The following RIMKLA variants were observed in gnomAD, a reference collection of about 807,000 sequenced individuals.
RIMKLA encodes the protein N-acetylaspartylglutamate synthase A.
In RIMKLA, 14 loss-of-function variants were observed where a neutral mutation model predicts 32.7. The observed-to-expected ratio is 0.43, with a 90% CI of 0.28 to 0.67. The LOEUF (loss-of-function observed/expected upper bound fraction) is 0.67. Ranked by LOEUF, RIMKLA falls within the 30% of genes least tolerant of loss-of-function variation. RIMKLA has a pLI of 0.18. For missense variants in RIMKLA, 410 were observed against 519.0 expected (o/e 0.79, Z 2.04); for synonymous variants, 176 against 204.1 (o/e 0.86, Z 1.18).
chr1:42,397,032 A>G (rs1643054124), intron 1 of RIMKLA, among the ~76,000 whole-genome samples: 1 of 152,230 alleles, frequency 6.6e-6, no homozygotes, highest in Admixed American at 6.5e-5. Context: ...TGTAAGTGAT[A>G]CTGTTTTCTG....
In RIMKLA at chr1:42,418,854, CA is replaced by C. The variant is rs2148399017; in HGVS notation, c.*3881del. 6.6e-6 allele frequency: 1 copy of C among 152,348 alleles called. No homozygotes were observed. The highest frequency in any genetic ancestry group is 1.9e-4 in the East Asian group (1 of 5,186). The allele number at this position is 152,348 out of a possible 1,614,324, so 9.4% of individuals were successfully genotyped here. ...GTGCTGTGTGCAGGCATAGCCTTAG[CA>C]GGTCAGTTTAAGGAGTCAGGTCAGA... On this transcript the variant is annotated 3_prime_UTR_variant, in exon 5 of 5. Transcript: ENST00000431473.
chr1:42,386,741 C>T (rs1570314887), intron 1 of RIMKLA, among the ~76,000 whole-genome samples: 2 of 151,414 alleles, frequency 1.3e-5, no homozygotes, highest in East Asian at 3.9e-4. Context: ...AAAAATTACC[C>T]AGGCTTGGTG....
chr1:42,394,335 CAT>C (rs975375620), intron 1 of RIMKLA, among the ~76,000 whole-genome samples: 3 of 152,192 alleles, frequency 2.0e-5, no homozygotes, highest in Non-Finnish European at 4.4e-5. Flanking sequence ...CAAGGATGCA[CAT>C]GTGTGCACAC....
intron 3 of RIMKLA, among the ~76,000 whole-genome samples, chr1:42,407,639 G>T (rs892601086): frequency 6.6e-6 from 1 of 152,134 alleles, no homozygotes; most frequent in Admixed American, 6.5e-5. Flanking sequence ...CACCATGTGC[G>T]TGAAGGTTGA....
intron 1 of RIMKLA, among the ~76,000 whole-genome samples, chr1:42,389,261 A>C (rs1263751688): frequency 1.3e-5 from 2 of 152,206 alleles, no homozygotes; most frequent in Non-Finnish European, 2.9e-5. Flanking sequence ...CCATTTATGG[A>C]AAGATTGGGA....
chr1:42,403,762 A>G (rs1181238888), intron 2 of RIMKLA, among the ~76,000 whole-genome samples: 1 of 152,208 alleles, frequency 6.6e-6, no homozygotes, highest in African/African-American at 2.4e-5. Context: ...GTCTCACAGC[A>G]TAGCTGGGTT....
At chr1:42,386,151 G>A (rs1389283131) in intron 1 of RIMKLA, among the ~76,000 whole-genome samples, 1 of 151,790 alleles carries the variant, frequency 6.6e-6, no homozygotes, top group Non-Finnish European at 1.5e-5. Context: ...TCAAACTCCT[G>A]ACCTCAGGTG....
intron 1 of RIMKLA, among the ~76,000 whole-genome samples, chr1:42,392,075 A>G (rs149979629): frequency 2.5e-4 from 38 of 152,296 alleles, no homozygotes; most frequent in African/African-American, 8.2e-4. Flanking sequence ...TATAAGATGC[A>G]ATGTCTTACT....
At chr1:42,402,428 A>G (rs1178096531) in intron 2 of RIMKLA, among the ~76,000 whole-genome samples, 1 of 152,142 alleles carries the variant, frequency 6.6e-6, no homozygotes, top group Non-Finnish European at 1.5e-5. Flanking sequence ...GTGACCGAGG[A>G]GGAAGATCAT....
Position 42,419,996 on chromosome 1 carries a change from A to G in RIMKLA, c.*5022A>G, listed in dbSNP as rs1036055718. The G allele has an allele frequency of 6.6e-6, 1 of 152,280 alleles. No individual in the cohort carries two copies. The highest frequency in any genetic ancestry group is 1.5e-5 in the Non-Finnish European group (1 of 68,086). 9.4% of individuals were successfully genotyped at this position (152,280 alleles called of 1,614,324 possible). The stretch of plus-strand genomic sequence containing the variant: ...CATGCTCCAGTTTCAATCAGCAACA[A>G]GGTCAAAAGTTTCCCCCCACTTTCT... On this transcript the variant is annotated 3_prime_UTR_variant, in exon 5 of 5. Coordinates refer to ENST00000431473, the MANE Select transcript of RIMKLA (RefSeq NM_173642.4).
Position 42,421,362 on chromosome 1 carries a change from A to T in RIMKLA, c.*6388A>T, listed in dbSNP as rs1643294037. ...GACGTGAATTAAACCTGTCAAATAG[A>T]GGGTGAGGGGAGTGCAGAAGGCTGG... On this transcript the variant is annotated 3_prime_UTR_variant, in exon 5 of 5. Coordinates refer to ENST00000431473, the MANE Select transcript of RIMKLA (RefSeq NM_173642.4). The surrounding 1 kb of genome is among the most constrained non-coding windows in gnomAD (Gnocchi z 4.6). The T allele has an allele frequency of 1.3e-5, 2 of 151,504 alleles. No homozygotes were observed. 9.4% of individuals were successfully genotyped at this position (151,504 alleles called of 1,614,324 possible). A position where few individuals can be genotyped will look rare whatever the true frequency, so the allele number is the denominator to read the frequency against.
intron 1 of RIMKLA, among the ~76,000 whole-genome samples, chr1:42,385,808 TTTC>T (rs1642934369): frequency 4.0e-5 from 3 of 75,892 alleles, no homozygotes; most frequent in African/African-American, 1.3e-4. Context: ...TCTCTCTCTC[TTTC>T]CTTCCTTCCT....
chr1:42,398,572 G>C (rs1643067038), intron 1 of RIMKLA, among the ~76,000 whole-genome samples: 1 of 152,094 alleles, frequency 6.6e-6, no homozygotes, highest in African/African-American at 2.4e-5. Context: ...TTCCCAATTT[G>C]TATCTGTTTA....
chr1:42,399,308 C>T, intron 1 of RIMKLA, 96 bp from the exon 2 acceptor site: 1 of 916,448 alleles, frequency 1.1e-6, no homozygotes. Flanking sequence ...GGCTCTGTTC[C>T]TACTAGGTTC....
rs1002894032 is a variant in RIMKLA, at chr1:42,420,501, C to A, written c.*5527C>A. 1 of 152,210 alleles carries A rather than the reference C, an allele frequency of 6.6e-6. No homozygotes were observed. Among genetic ancestry groups the A allele is most frequent in the South Asian group, 2.1e-4 (1 of 4,836 alleles). 9.4% of individuals were successfully genotyped at this position (152,210 alleles called of 1,614,324 possible). A position where few individuals can be genotyped will look rare whatever the true frequency, so the allele number is the denominator to read the frequency against. Reference sequence around the variant, plus strand: ...GGGACAGAGCAGTTCCATTTATATTCTCACATACAACCAGATGGATAGCCA... The same window carrying A: ...GGGACAGAGCAGTTCCATTTATATTATCACATACAACCAGATGGATAGCCA... On this transcript the variant is annotated 3_prime_UTR_variant, in exon 5 of 5. Transcript: ENST00000431473.
rs1331988548 is a variant in RIMKLA at position 42,410,063 on chromosome 1, G to A, written c.561G>A (p.Leu187=). The change falls in exon 4 of 5, where the codon CTG becomes CTA. Residue 187 remains leucine (L), a synonymous_variant. Transcript: ENST00000431473. ...TGATCCGCCACGATGTGCCCTACCTGTTCCAGAAGTACGTGAAGGAGTCCC... is the reference window on the plus strand; with the variant it reads ...TGATCCGCCACGATGTGCCCTACCTATTCCAGAAGTACGTGAAGGAGTCCC... ...CHLIRHDVPY[L]FQKYVKESHG... is the part of the protein sequence containing the mutation. The A allele has an allele frequency of 6.2e-7, 1 of 1,614,164 alleles. No homozygotes were observed. The highest frequency in any genetic ancestry group is 1.1e-5 in the South Asian group (1 of 91,078).
chr1:42,383,056 T>C (rs997380639), intron 1 of RIMKLA, among the ~76,000 whole-genome samples: 2 of 151,428 alleles, frequency 1.3e-5, no homozygotes, highest in African/African-American at 4.8e-5. Flanking sequence ...TTTATTTATT[T>C]ATTTATTTTA....
chr1:42,410,828 G>GAA (rs34862879), intron 4 of RIMKLA, among the ~76,000 whole-genome samples: 12 of 150,224 alleles, frequency 8.0e-5, no homozygotes, highest in South Asian at 4.2e-4. Context: ...TTGGTGATAG[G>GAA]AAAAAAAAAA....
intron 3 of RIMKLA, among the ~76,000 whole-genome samples, chr1:42,406,807 G>C (rs906304000): frequency 3.3e-5 from 5 of 152,008 alleles, no homozygotes; most frequent in African/African-American, 4.8e-5. Flanking sequence ...TCATGTGCTT[G>C]TTGGCCATTT....
Sources: allele counts gnomAD v4.1 joint callset (sites outside exome capture counted in the v4.1 genomes callset), GRCh38; gene constraint gnomAD v4.1.1; non-coding constraint Gnocchi (gnomAD v3.1); transcripts MANE v1.5; gene names NCBI Gene and HGNC (gene_info 2026-07-23, HGNC 2026-07-21).